HDAC8: variants seen among roughly 807,000 people sequenced by gnomAD.
HDAC8 encodes histone deacetylase 8.
A neutral mutation model predicts 32.2 loss-of-function variants in HDAC8; 1 was observed. The observed-to-expected ratio is 0.03, with a 90% confidence interval of 0.01 to 0.15. The LOEUF is 0.15. Among genes scored for constraint, HDAC8 ranks in the 10% least tolerant of loss-of-function variants. The pLI is 1.00. For synonymous variants in HDAC8, 108 were observed against 113.9 expected (o/e 0.95, Z 0.33); for missense variants, 117 against 300.0 (o/e 0.39, Z 4.51).
intron 4 of HDAC8, among the ~76,000 whole-genome samples, chrX:72,565,533 A>C (rs2051748374): frequency 8.9e-6 from 1 of 112,366 alleles, no homozygotes; most frequent in Non-Finnish European, 1.9e-5. Flanking sequence ...GCAGCCCAGA[A>C]GCAGTCGTGA....
intron 9 of HDAC8, among the ~76,000 whole-genome samples, chrX:72,386,990 C>G (rs6625993): frequency 2.7e-5 from 3 of 112,238 alleles, no homozygotes; most frequent in East Asian, 5.6e-4. Context: ...TGAACTAGCT[C>G]TAGTTCAGAG....
chrX:72,527,438 C>G (rs1302000059), intron 4 of HDAC8, among the ~76,000 whole-genome samples: 1 of 111,680 alleles, frequency 9.0e-6, no homozygotes, highest in Non-Finnish European at 1.9e-5. Flanking sequence ...CCATGAATTA[C>G]ATTACGGTAG....
chrX:72,513,814 C>T (rs1470786516), intron 4 of HDAC8, among the ~76,000 whole-genome samples: 1 of 111,416 alleles, frequency 9.0e-6, no homozygotes, highest in Non-Finnish European at 1.9e-5. Flanking sequence ...CTGGTCAGTA[C>T]CAAAATCAGG....
At chrX:72,523,506 A>G (rs1169895133) in intron 4 of HDAC8, among the ~76,000 whole-genome samples, 1 of 110,783 alleles carries the variant, frequency 9.0e-6, no homozygotes, top group African/African-American at 3.3e-5. Flanking sequence ...CTACTTCTTT[A>G]TGGTTCCCTT....
At chrX:72,462,879 A>T (rs2047903940) in intron 8 of HDAC8, among the ~76,000 whole-genome samples, 1 of 112,304 alleles carries the variant, frequency 8.9e-6, no homozygotes, top group Admixed American at 9.5e-5. Context: ...TAAGGGAAAC[A>T]GAATCTGGTC....
At chrX:72,351,061 C>G (rs782325406) in intron 10 of HDAC8, among the ~76,000 whole-genome samples, 2 of 111,687 alleles carry the variant, frequency 1.8e-5, no homozygotes, top group South Asian at 7.6e-4. Flanking sequence ...AAGAGAATGC[C>G]TGTGAGCCCC....
At chrX:72,438,596 A>C (rs2047022926) in intron 9 of HDAC8, among the ~76,000 whole-genome samples, 1 of 111,292 alleles carries the variant, frequency 9.0e-6, no homozygotes, top group Non-Finnish European at 1.9e-5. Context: ...TAACTAGAAT[A>C]ACCAGTTTAG....
chrX:72,335,892 G>A (rs1395937641), intron 10 of HDAC8, among the ~76,000 whole-genome samples: 2 of 102,693 alleles, frequency 1.9e-5, no homozygotes, highest in Non-Finnish European at 3.9e-5. Flanking sequence ...CTGGGTGACA[G>A]AGTGAAACAC....
intron 4 of HDAC8, among the ~76,000 whole-genome samples, chrX:72,540,869 A>G (rs983724707): frequency 6.3e-5 from 7 of 111,629 alleles, no homozygotes; most frequent in Admixed American, 1.9e-4. Context: ...AACATTTCCT[A>G]TTCATCTCTG....
chrX:72,438,309 A>G (rs868946299), intron 9 of HDAC8, among the ~76,000 whole-genome samples: 6 of 111,894 alleles, frequency 5.4e-5, no homozygotes, highest in African/African-American at 1.6e-4. Context: ...CACCAACAAA[A>G]AGGACGTCCA....
At chrX:72,443,315 C>T (rs1602874689) in intron 9 of HDAC8, among the ~76,000 whole-genome samples, 1 of 110,399 alleles carries the variant, frequency 9.1e-6, no homozygotes, top group African/African-American at 3.3e-5. Flanking sequence ...TGTAAAAGAA[C>T]AGAAATTATA....
intron 4 of HDAC8, among the ~76,000 whole-genome samples, chrX:72,508,923 C>A (rs2049477711): frequency 9.0e-6 from 1 of 111,683 alleles, no homozygotes; most frequent in Non-Finnish European, 1.9e-5. Context: ...ATTGACATAC[C>A]AAAAGCTGTA....
At chrX:72,440,889 C>A (rs1464417669) in intron 9 of HDAC8, among the ~76,000 whole-genome samples, 2 of 112,859 alleles carry the variant, frequency 1.8e-5, no homozygotes, top group Admixed American at 9.3e-5. Flanking sequence ...ATATCCCGCA[C>A]CTGGCTTGGG....
At chrX:72,362,459 T>C (rs1257398317) in intron 9 of HDAC8, among the ~76,000 whole-genome samples, 3 of 111,976 alleles carry the variant, frequency 2.7e-5, no homozygotes, top group African/African-American at 9.8e-5. Context: ...TATTCCTTCA[T>C]AGCAATGCAG....
intron 9 of HDAC8, among the ~76,000 whole-genome samples, chrX:72,433,261 C>A (rs976802242): frequency 9.0e-6 from 1 of 111,012 alleles, no homozygotes; most frequent in Non-Finnish European, 1.9e-5. Flanking sequence ...TGGCATCTAG[C>A]GCATAGAGGC....
chrX:72,351,787 G>A lies in HDAC8; in HGVS notation c.1057C>T (p.Arg353Trp). The A allele has an allele frequency of 8.3e-7, 1 of 1,210,886 alleles. No homozygotes were observed. The highest frequency in any genetic ancestry group is 1.1e-6 in the Non-Finnish European group (1 of 894,736). ...CGGTGGGGCTCATTGCGGTCTGGCC[G>A]GCAGCTTGGCGTGATTTCCAGCACA... is the stretch of plus-strand genomic sequence containing the variant. ...DYVLEITPSC[R>W]PDRNEPHRIQ... The change falls in exon 10 of 11, where the codon CGG becomes TGG. Residue 353 changes from arginine (R) to tryptophan (W), a missense_variant. Physicochemically the swap from Arg to Trp is moderately radical, Grantham distance 101. Around this residue, in one of 4 missense-constraint regions of HDAC8, gnomAD observed 18 missense variants for 25.7 expected, o/e 0.70. Transcript: ENST00000373573.
chrX:72,386,158 G>A (rs2045420576), intron 9 of HDAC8, among the ~76,000 whole-genome samples: 1 of 112,309 alleles, frequency 8.9e-6, no homozygotes, highest in East Asian at 2.8e-4. Flanking sequence ...ATGGATGTAT[G>A]TGGGTAGATC....
chrX:72,513,328 CTT>C (rs782414687), intron 4 of HDAC8, among the ~76,000 whole-genome samples: 15 of 102,468 alleles, frequency 1.5e-4, no homozygotes, highest in Admixed American at 2.1e-4. Flanking sequence ...TTTCTAATTA[CTT>C]TTTTTTTTTT....
Position 72,343,013 on chromosome X carries a change from C to G in HDAC8, c.1111+8720G>C, listed in dbSNP as rs138624202. ...TTATATAGACATAAAAAAACCCCAG[C>G]CTCATCCTAAGTAATATCTTTGAAA... is the stretch of plus-strand genomic sequence containing the variant. On this transcript the variant is annotated intron_variant, in intron 10 of 10. Coordinates refer to ENST00000373573, the MANE Select transcript of HDAC8 (RefSeq NM_018486.3). Among the ~76,000 whole-genome samples the G allele has an allele frequency of 2.6e-3, 288 of 111,460 alleles. 4 individuals carry two copies. The highest frequency in any genetic ancestry group is 8.5e-3 in the African/African-American group (263 of 30,776).
Sources: allele counts gnomAD v4.1 joint callset (sites outside exome capture counted in the v4.1 genomes callset), GRCh38; gene constraint gnomAD v4.1.1; regional missense constraint gnomAD v4.1.1; transcripts MANE v1.5; gene names NCBI Gene and HGNC (gene_info 2026-07-23, HGNC 2026-07-21).